DGKG: variants seen among roughly 807,000 people sequenced by gnomAD.
The protein encoded by DGKG is diacylglycerol kinase gamma, also known as DAG kinase gamma.
In DGKG, 78 loss-of-function variants were observed where a neutral mutation model predicts 105.3. The ratio of observed to expected loss-of-function variants is 0.74; its 90% CI spans 0.62 to 0.89. The LOEUF (loss-of-function observed/expected upper bound fraction) is 0.89, where lower values mean the gene tolerates loss of function less well. DGKG is among the 40% of genes least tolerant of loss of function. The pLI, the probability that DGKG is intolerant of heterozygous loss-of-function variation, is 0.00. For synonymous variants in DGKG, 346 were observed against 367.1 expected (o/e 0.94, Z 0.66); for missense variants, 958 against 1,020.1 (o/e 0.94, Z 0.83).
intron 15 of DGKG, among the ~76,000 whole-genome samples, chr3:186,260,813 C>T (rs1721736571): frequency 6.6e-6 from 1 of 152,250 alleles, no homozygotes; most frequent in African/African-American, 2.4e-5. Flanking sequence ...ACAGAACTTT[C>T]ATTCTAAAGC....
At chr3:186,302,525 TATATATAC>T (rs1560143747) in intron 3 of DGKG, among the ~76,000 whole-genome samples, 2 of 68,192 alleles carry the variant, frequency 2.9e-5, no homozygotes, top group Non-Finnish European at 5.5e-5. Context: ...TATATATATA[TATATATAC>T]ATATGTATAT....
chr3:186,316,147 C>T (rs1724808307), intron 2 of DGKG, among the ~76,000 whole-genome samples: 1 of 152,242 alleles, frequency 6.6e-6, no homozygotes, highest in Non-Finnish European at 1.5e-5. Flanking sequence ...AGGCCTCCCC[C>T]TTGAAGGTCC....
intron 20 of DGKG, 110 bp downstream of exon 20, chr3:186,242,394 C>A: frequency 1.1e-6 from 1 of 871,006 alleles, no homozygotes. Flanking sequence ...GCAGGAAGGC[C>A]AAGTCCCCAG....
chr3:186,201,298 C>A (rs1013324442), intron 21 of DGKG, among the ~76,000 whole-genome samples: 23 of 151,998 alleles, frequency 1.5e-4, no homozygotes, highest in African/African-American at 5.3e-4. Flanking sequence ...GCAGACAAAG[C>A]AGGGCCTGAT....
intron 11 of DGKG, among the ~76,000 whole-genome samples, chr3:186,269,508 T>A (rs1722215079): frequency 6.6e-6 from 1 of 152,198 alleles, no homozygotes; most frequent in East Asian, 1.9e-4. Context: ...GTACCCACAA[T>A]TGGGTAATGC....
intron 5 of DGKG, among the ~76,000 whole-genome samples, chr3:186,297,068 T>TCTCTCTCTCTCACACA (rs1452573661): frequency 7.7e-6 from 1 of 130,420 alleles, no homozygotes; most frequent in African/African-American, 2.9e-5. Flanking sequence ...TCTGTCTCTC[T>TCTCTCTCTCTCACACA]CACACACACA....
intron 1 of DGKG, among the ~76,000 whole-genome samples, chr3:186,329,886 A>C (rs115499679): frequency 6.6e-6 from 1 of 152,202 alleles, no homozygotes; most frequent in South Asian, 2.1e-4. Context: ...TGTACTTACC[A>C]ACTGTCTTCC....
intron 21 of DGKG, among the ~76,000 whole-genome samples, chr3:186,194,793 G>A (rs1718092131): frequency 1.6e-5 from 1 of 62,282 alleles, no homozygotes. Context: ...ACTCTTTCTT[G>A]GTCTTTCTTT....
intron 1 of DGKG, among the ~76,000 whole-genome samples, chr3:186,337,591 T>C (rs73885852): frequency 0.036 from 5,448 of 152,210 alleles, 319 homozygotes; most frequent in African/African-American, 0.12. Context: ...AACTCTACTA[T>C]TCAGCAGTCT....
chr3:186,241,743 A>C (rs1049468440), intron 20 of DGKG, among the ~76,000 whole-genome samples: 8 of 152,120 alleles, frequency 5.3e-5, no homozygotes, highest in Non-Finnish European at 8.8e-5. Flanking sequence ...AGAAAGAAAG[A>C]ATGAAAATTG....
chr3:186,311,568 T>G (rs1724544851), intron 2 of DGKG, among the ~76,000 whole-genome samples: 1 of 152,192 alleles, frequency 6.6e-6, no homozygotes, highest in Non-Finnish European at 1.5e-5. Context: ...AGTCCAAAAT[T>G]GTCTTCTATA....
chr3:186,279,774 G>A, intron 9 of DGKG, 77 bp downstream of exon 9: 1 of 1,552,304 alleles, frequency 6.4e-7, no homozygotes, highest in South Asian at 1.2e-5. Context: ...AGAAGCCAAA[G>A]TGATATGTTG....
chr3:186,255,135 T>C (rs1306537583), intron 17 of DGKG, among the ~76,000 whole-genome samples: 1 of 152,238 alleles, frequency 6.6e-6, no homozygotes, highest in Non-Finnish European at 1.5e-5. Context: ...ATTATCTCCT[T>C]GTTTGTTCCC....
intron 7 of DGKG, among the ~76,000 whole-genome samples, chr3:186,283,801 T>C (rs1722935750): frequency 6.6e-6 from 1 of 152,358 alleles, no homozygotes; most frequent in African/African-American, 2.4e-5. Context: ...GCAATGTAGC[T>C]GGAGGGATCC....
intron 22 of DGKG, among the ~76,000 whole-genome samples, chr3:186,186,096 C>CAAAAAA (rs3049465): frequency 1.3e-4 from 10 of 75,256 alleles, no homozygotes; most frequent in Non-Finnish European, 1.9e-4. Context: ...GACTCTGCCT[C>CAAAAAA]AAAAAAAAAA....
At chr3:186,309,884 T>C (rs188878468) in intron 2 of DGKG, among the ~76,000 whole-genome samples, 2 of 152,214 alleles carry the variant, frequency 1.3e-5, no homozygotes, top group East Asian at 3.9e-4. Context: ...TCATCATATG[T>C]TCGCATAAAA....
chr3:186,252,053 G>T, intron 18 of DGKG, 134 bp from the exon 19 acceptor site: 1 of 782,328 alleles, frequency 1.3e-6, no homozygotes, highest in Non-Finnish European at 1.9e-6. Context: ...GTGGGCTAGA[G>T]ACACTTACGT....
chr3:186,327,564 C>A (rs536266646), intron 1 of DGKG, among the ~76,000 whole-genome samples: 1 of 151,710 alleles, frequency 6.6e-6, no homozygotes, highest in South Asian at 2.1e-4. Flanking sequence ...GCCACTATGA[C>A]CTGCTAATTT....
chr3:186,181,132 C>A (rs886857718), intron 22 of DGKG, among the ~76,000 whole-genome samples: 1 of 152,202 alleles, frequency 6.6e-6, no homozygotes, highest in African/African-American at 2.4e-5. Context: ...TAGTACTTAG[C>A]ATAGTTCCTA....
Sources: allele counts gnomAD v4.1 joint callset (sites outside exome capture counted in the v4.1 genomes callset), GRCh38; gene constraint gnomAD v4.1.1; transcripts MANE v1.5; gene names NCBI Gene and HGNC (gene_info 2026-07-23, HGNC 2026-07-21).